Variants in CACNB2 observed in about 807,000 individuals in gnomAD.
CACNB2 encodes calcium voltage-gated channel auxiliary subunit beta 2, also known as voltage-dependent L-type calcium channel subunit beta-2.
CACNB2 carries 42 observed loss-of-function variants against 73.3 expected under a neutral mutation model. The ratio of observed to expected loss-of-function variants is 0.57; its 90% CI spans 0.45 to 0.74. CACNB2 has a LOEUF of 0.74. Among genes scored for constraint, CACNB2 ranks in the 30% least tolerant of loss-of-function variants. The pLI is 0.00. For synonymous variants in CACNB2, 348 were observed against 310.3 expected (o/e 1.12, Z -1.28); for missense variants, 940 against 853.0 (o/e 1.10, Z -1.27).
chr10:18,500,765 T>TTGAC (rs1440165858), intron 4 of CACNB2, 47 bp from the exon 5 acceptor site: 1 of 1,592,026 alleles, frequency 6.3e-7, no homozygotes, highest in Non-Finnish European at 8.6e-7. Context: ...GAACAAGGAT[T>TTGAC]TGACCTTCTG....
At chr10:18,151,978 A>G (rs896550571) in intron 2 of CACNB2, among the ~76,000 whole-genome samples, 4 of 152,096 alleles carry the variant, frequency 2.6e-5, no homozygotes, top group African/African-American at 9.7e-5. Context: ...ACTGTTTCCT[A>G]TAAATCCTAT....
intron 2 of CACNB2, among the ~76,000 whole-genome samples, chr10:18,194,997 C>T (rs2034563027): frequency 6.6e-6 from 1 of 152,120 alleles, no homozygotes; most frequent in East Asian, 1.9e-4. Flanking sequence ...GAGGCTGATT[C>T]TTAGGATGTG....
At chr10:18,192,523 G>A (rs1420139880) in intron 2 of CACNB2, among the ~76,000 whole-genome samples, 1 of 151,908 alleles carries the variant, frequency 6.6e-6, no homozygotes, top group Admixed American at 6.6e-5. Context: ...ATTTTAAAGT[G>A]GACAATTCAG....
At chr10:18,507,093 C>T (rs1375040603) in intron 6 of CACNB2, among the ~76,000 whole-genome samples, 1 of 152,176 alleles carries the variant, frequency 6.6e-6, no homozygotes, top group Non-Finnish European at 1.5e-5. Context: ...GCCACTGCAC[C>T]CAGCCATATT....
At chr10:18,453,092 A>G (rs1251883398) in intron 3 of CACNB2, among the ~76,000 whole-genome samples, 1 of 152,092 alleles carries the variant, frequency 6.6e-6, no homozygotes, top group Non-Finnish European at 1.5e-5. Flanking sequence ...CTCTGCTGCT[A>G]CCTCATTAGT....
At chr10:18,491,409 C>T (rs1003918479) in intron 3 of CACNB2, among the ~76,000 whole-genome samples, 4 of 152,076 alleles carry the variant, frequency 2.6e-5, no homozygotes, top group African/African-American at 9.7e-5. Flanking sequence ...CAAAGCGAGA[C>T]CTCATCTCTT....
chr10:18,361,816 T>C (rs116259164), intron 2 of CACNB2, among the ~76,000 whole-genome samples: 5,144 of 152,102 alleles, frequency 0.034, 131 homozygotes, highest in African/African-American at 0.062. Context: ...TTTCACTACC[T>C]AGGCCAGGCT....
chr10:18,368,051 C>T (rs775558941), intron 2 of CACNB2, among the ~76,000 whole-genome samples: 2 of 152,190 alleles, frequency 1.3e-5, no homozygotes, highest in Admixed American at 6.5e-5. Context: ...CACTTTTTGT[C>T]ATATGGCCAG....
At chr10:18,299,983 A>G (rs552688450) in intron 2 of CACNB2, among the ~76,000 whole-genome samples, 6 of 151,382 alleles carry the variant, frequency 4.0e-5, no homozygotes, top group African/African-American at 9.7e-5. Flanking sequence ...CCACTTTCAT[A>G]GGTAGAGCCT....
intron 2 of CACNB2, among the ~76,000 whole-genome samples, chr10:18,207,897 TATC>T (rs1334676722): frequency 2.0e-5 from 3 of 152,210 alleles, no homozygotes; most frequent in African/African-American, 7.2e-5. Context: ...AAAAAGGAGT[TATC>T]ATTGTACCAG....
intron 2 of CACNB2, among the ~76,000 whole-genome samples, chr10:18,346,946 A>C (rs2041484249): frequency 6.6e-6 from 1 of 152,104 alleles, no homozygotes; most frequent in Non-Finnish European, 1.5e-5. Flanking sequence ...GACCCGTGAA[A>C]TCACATCTAA....
intron 3 of CACNB2, among the ~76,000 whole-genome samples, chr10:18,479,489 T>C (rs763309277): frequency 6.6e-6 from 1 of 152,172 alleles, no homozygotes; most frequent in Non-Finnish European, 1.5e-5. Flanking sequence ...GTTGACAAAT[T>C]GTTGAGATTG....
At position 18,498,381 on chromosome 10, in the gene CACNB2, G is replaced by A. The variant is rs775896337; in HGVS notation, c.360G>A (p.Arg120=). The change falls in exon 4 of 14, where the codon CGG becomes CGA. Residue 120 remains arginine (R), a synonymous_variant. Coordinates refer to ENST00000324631, the MANE Select transcript of CACNB2 (RefSeq NM_201596.3). ...CAAAGCCCGTTGCATTTGCGGTTCG[G>A]ACAAATGTCAGCTACAGTGCGGCCC... ...AKTKPVAFAV[R]TNVSYSAAHE... The A allele has an allele frequency of 8.1e-6, 13 of 1,614,016 alleles. No homozygotes were observed. The South Asian group carries it at 1.3e-4, about 16-fold the overall frequency.
chr10:18,532,658 C>CAG (rs1306731332), intron 10 of CACNB2, among the ~76,000 whole-genome samples: 1 of 117,954 alleles, frequency 8.5e-6, no homozygotes, highest in South Asian at 2.7e-4. Context: ...GCCTGGGAGA[C>CAG]AGAGAGAGAC....
At chr10:18,483,306 G>A (rs919675197) in intron 3 of CACNB2, among the ~76,000 whole-genome samples, 1 of 151,748 alleles carries the variant, frequency 6.6e-6, no homozygotes, top group African/African-American at 2.4e-5. Flanking sequence ...CGAGGCCGGT[G>A]GATCACCTGA....
chr10:18,402,226 A>G (rs929453311), intron 3 of CACNB2, among the ~76,000 whole-genome samples, 183 bp downstream of exon 3: 1 of 152,124 alleles, frequency 6.6e-6, no homozygotes, highest in Admixed American at 6.5e-5. Context: ...TGTGGTATGT[A>G]AGACTGGTCT....
intron 3 of CACNB2, among the ~76,000 whole-genome samples, chr10:18,461,278 C>A (rs191975344): frequency 6.6e-6 from 1 of 152,176 alleles, no homozygotes; most frequent in Non-Finnish European, 1.5e-5. Flanking sequence ...CGATCCCTAT[C>A]CTCAAGGTGC....
At chr10:18,452,545 T>C (rs972091225) in intron 3 of CACNB2, among the ~76,000 whole-genome samples, 1 of 152,224 alleles carries the variant, frequency 6.6e-6, no homozygotes, top group African/African-American at 2.4e-5. Context: ...GTTGACCTTT[T>C]TTAATTTAAT....
chr10:18,248,594 A>G (rs1338783613), intron 2 of CACNB2, among the ~76,000 whole-genome samples: 1 of 152,214 alleles, frequency 6.6e-6, no homozygotes. Context: ...AGCTAATTCA[A>G]TATTAGGAGA....
Sources: allele counts gnomAD v4.1 joint callset (sites outside exome capture counted in the v4.1 genomes callset), GRCh38; gene constraint gnomAD v4.1.1; transcripts MANE v1.5; gene names NCBI Gene and HGNC (gene_info 2026-07-23, HGNC 2026-07-21).